The following MGAT5B variants were observed in gnomAD, a reference collection of about 807,000 sequenced individuals.
The protein encoded by MGAT5B is alpha-1,6-mannosylglycoprotein 6-beta-N-acetylglucosaminyltransferase B, also known as N-acetylglucosaminyl-transferase Vb.
A neutral mutation model predicts 95.1 loss-of-function variants in MGAT5B; 54 were observed. The observed-to-expected ratio is 0.57, with a 90% confidence interval of 0.46 to 0.71. The LOEUF is 0.71. Among genes scored for constraint, MGAT5B ranks in the 30% least tolerant of loss-of-function variants. The probability of loss-of-function intolerance (pLI) is 0.00; values close to 1 mark genes in which losing one functional copy is unlikely to be tolerated. For synonymous variants in MGAT5B, 464 were observed against 451.0 expected (o/e 1.03, Z -0.36); for missense variants, 935 against 1,088.6 (o/e 0.86, Z 1.99).
Position 76,946,427 on chromosome 17 carries a change from A to G in MGAT5B, c.1900A>G (p.Ile634Val), listed in dbSNP as rs549171093. 2 of 1,601,502 alleles carry G rather than the reference A, an allele frequency of 1.2e-6. No homozygotes were observed. Among genetic ancestry groups the G allele is most frequent in the African/African-American group, 1.3e-5 (1 of 74,560 alleles). ...EYTCEGMLER[I>V]HAYIQHQDFC... Reference sequence around the variant, plus strand: ...CACCTGCGAGGGGATGCTGGAGCGGATCCACGCCTACATCCAGCACCAGGT... The same window carrying G: ...CACCTGCGAGGGGATGCTGGAGCGGGTCCACGCCTACATCCAGCACCAGGT... The change falls in exon 16 of 18, where the codon ATC becomes GTC. Residue 634 changes from isoleucine to valine, a missense_variant. Transcript: ENST00000569840.
intron 10 of MGAT5B, among the ~76,000 whole-genome samples, chr17:76,927,686 G>A (rs563518762): frequency 1.3e-5 from 2 of 152,358 alleles, no homozygotes; most frequent in Admixed American, 6.5e-5. Flanking sequence ...CCTTCTGGAC[G>A]GCAGAGGTGT....
chr17:76,947,611 G>A (rs1009431574), intron 16 of MGAT5B, among the ~76,000 whole-genome samples: 5 of 152,216 alleles, frequency 3.3e-5, no homozygotes, highest in Admixed American at 6.5e-5. Flanking sequence ...GGCCCTGGGC[G>A]GATGCCGTGA....
At chr17:76,933,326 T>C (rs1234252687) in intron 12 of MGAT5B, 29 bp downstream of exon 12, 1 of 1,598,146 alleles carries the variant, frequency 6.3e-7, no homozygotes, top group East Asian at 2.2e-5. Flanking sequence ...GCCTGCCCCC[T>C]CTACCCTCTG....
intron 4 of MGAT5B, 47 bp from the exon 5 acceptor site, chr17:76,903,256 G>GCTCCTCCTTGGA (rs780096992): frequency 2.0e-6 from 3 of 1,501,902 alleles, no homozygotes; most frequent in Non-Finnish European, 2.7e-6. Flanking sequence ...CCCTCCCTGG[G>GCTCCTCCTTGGA]CTCCTCCTTG....
chr17:76,890,225 C>T (rs1247175539), intron 3 of MGAT5B, among the ~76,000 whole-genome samples: 2 of 152,212 alleles, frequency 1.3e-5, no homozygotes, highest in Non-Finnish European at 2.9e-5. Flanking sequence ...ATTGAAACCT[C>T]GGGTGGAGCA....
Position 76,949,130 on chromosome 17 carries a change from A to G in MGAT5B, c.*292A>G. ...CTCAGAGTCCGCATGGCCCAGGAGC[A>G]GGTGGTCGGAGGCCCCTGGCTTTGT... is the stretch of plus-strand genomic sequence containing the variant. On this transcript the variant is annotated 3_prime_UTR_variant, in exon 18 of 18. Coordinates refer to ENST00000569840, the MANE Select transcript of MGAT5B (RefSeq NM_001199172.2). 2.4e-6 allele frequency: 1 copy of G among 418,108 alleles called. No individual in the cohort carries two copies. Among genetic ancestry groups the G allele is most frequent in the Admixed American group, 4.1e-5 (1 of 24,660 alleles). The allele number at this position is 418,108 out of a possible 1,614,324, so 25.9% of individuals were successfully genotyped here.
chr17:76,939,863 T>A (rs959056003), intron 13 of MGAT5B, among the ~76,000 whole-genome samples: 1 of 152,358 alleles, frequency 6.6e-6, no homozygotes, highest in South Asian at 2.1e-4. Context: ...TGTTTTTTTT[T>A]ATGTCTGCGT....
chr17:76,944,629 C>T (rs969147791), intron 15 of MGAT5B, among the ~76,000 whole-genome samples: 8 of 152,306 alleles, frequency 5.3e-5, no homozygotes, highest in African/African-American at 1.2e-4. Flanking sequence ...CCTGCAGATT[C>T]TCCGGGACTT....
At chr17:76,900,115 C>T (rs112337266) in intron 3 of MGAT5B, among the ~76,000 whole-genome samples, 7 of 152,140 alleles carry the variant, frequency 4.6e-5, no homozygotes, top group Non-Finnish European at 1.0e-4. Flanking sequence ...CAGAGAGGCT[C>T]GGTGACCTGC....
At chr17:76,946,281 A>C (rs759008545) in intron 15 of MGAT5B, 95 bp from the exon 16 acceptor site, 1 of 1,035,358 alleles carries the variant, frequency 9.7e-7, no homozygotes, top group South Asian at 1.6e-5. Context: ...AGGATGTGAG[A>C]GCCCACCAGA....
intron 10 of MGAT5B, among the ~76,000 whole-genome samples, chr17:76,927,236 A>ATTTG (rs111759987): frequency 4.0e-5 from 6 of 151,654 alleles, no homozygotes; most frequent in Admixed American, 2.0e-4. Flanking sequence ...GGCTTCAGCT[A>ATTTG]TTTGTTTGTT....
At chr17:76,936,863 A>G (rs1275100463) in intron 12 of MGAT5B, among the ~76,000 whole-genome samples, 1 of 152,220 alleles carries the variant, frequency 6.6e-6, no homozygotes, top group East Asian at 1.9e-4. Flanking sequence ...AAGTCTTGAC[A>G]TCGGTAATAT....
chr17:76,884,922 G>A (rs763543915), intron 3 of MGAT5B, among the ~76,000 whole-genome samples: 1 of 151,738 alleles, frequency 6.6e-6, no homozygotes, highest in African/African-American at 2.4e-5. Context: ...ATTTTTAGTA[G>A]AGACTGGGTT....
At chr17:76,913,398 A>G (rs1228983506) in intron 8 of MGAT5B, among the ~76,000 whole-genome samples, 1 of 152,218 alleles carries the variant, frequency 6.6e-6, no homozygotes, top group African/African-American at 2.4e-5. Flanking sequence ...AACCAGGCTG[A>G]CCTGGGCAGC....
At chr17:76,920,154 G>A (rs1158571574) in intron 8 of MGAT5B, among the ~76,000 whole-genome samples, 1 of 152,192 alleles carries the variant, frequency 6.6e-6, no homozygotes, top group Non-Finnish European at 1.5e-5. Context: ...ACTGGCTGTT[G>A]GCAGTGGGCA....
At chr17:76,893,229 G>A (rs779724931) in intron 3 of MGAT5B, among the ~76,000 whole-genome samples, 1 of 152,036 alleles carries the variant, frequency 6.6e-6, no homozygotes, top group Non-Finnish European at 1.5e-5. Context: ...CCCTCAGGGT[G>A]TCCTTGAGGC....
chr17:76,885,624 T>A (rs1003725764), intron 3 of MGAT5B, among the ~76,000 whole-genome samples: 3 of 152,154 alleles, frequency 2.0e-5, no homozygotes, highest in Admixed American at 2.0e-4. Flanking sequence ...ATGCGCCACC[T>A]CCCAGCTCCC....
chr17:76,934,615 G>A (rs1230137260), intron 12 of MGAT5B, among the ~76,000 whole-genome samples: 1 of 152,178 alleles, frequency 6.6e-6, no homozygotes, highest in Non-Finnish European at 1.5e-5. Context: ...GGCAGAGTCG[G>A]AGGGTCGTGG....
intron 8 of MGAT5B, among the ~76,000 whole-genome samples, chr17:76,908,696 T>G (rs1264192054): frequency 6.6e-6 from 1 of 152,226 alleles, no homozygotes; most frequent in East Asian, 1.9e-4. Context: ...ACTGGGGATC[T>G]ATCATCTTGA....
Sources: allele counts gnomAD v4.1 joint callset (sites outside exome capture counted in the v4.1 genomes callset), GRCh38; gene constraint gnomAD v4.1.1; transcripts MANE v1.5; gene names NCBI Gene and HGNC (gene_info 2026-07-23, HGNC 2026-07-21).